Variants in CACNA1A observed in about 807,000 individuals in gnomAD.
CACNA1A encodes the protein voltage-dependent P/Q-type calcium channel subunit alpha-1A.
CACNA1A carries 57 observed loss-of-function variants against 262.4 expected under a neutral mutation model. The observed-to-expected ratio is 0.22, with a 90% CI of 0.18 to 0.27. The LOEUF (loss-of-function observed/expected upper bound fraction) is 0.27, where lower values mean the gene tolerates loss of function less well. Ranked by LOEUF, CACNA1A falls within the 10% of genes least tolerant of loss-of-function variation. The pLI is 1.00. For synonymous variants in CACNA1A, 1,431 were observed against 1,419.3 expected (o/e 1.01, Z -0.18); for missense variants, 2,526 against 3,562.8 (o/e 0.71, Z 7.41).
chr19:13,453,897 G>A (rs1599291549), intron 2 of CACNA1A, among the ~76,000 whole-genome samples: 1 of 152,000 alleles, frequency 6.6e-6, no homozygotes, highest in Non-Finnish European at 1.5e-5. Context: ...TTTATTTTAA[G>A]TGAAAATGCA....
chr19:13,214,128 G>T lies in CACNA1A; in HGVS notation c.5940+105C>A. 1 of 878,772 alleles carries T rather than the reference G, an allele frequency of 1.1e-6. No individual in the cohort carries two copies. The highest frequency in any genetic ancestry group is 2.1e-5 in the Admixed American group (1 of 48,578). 54.4% of individuals were successfully genotyped at this position (878,772 alleles called of 1,614,324 possible). On this transcript the variant is annotated intron_variant, in intron 40 of 46. Coordinates refer to ENST00000360228, the MANE Select transcript of CACNA1A (RefSeq NM_001127222.2). This position sits in a 1 kb window ranked among gnomAD's most constrained non-coding sequence, Gnocchi z 4.1. ...CTGTGCACAGCCCCTACTTTTCAGG[G>T]ACCTGCCCTGGGGCTCAGCCACCCT...
At chr19:13,290,869 A>AAACTCGTG (rs1284684506) in intron 19 of CACNA1A, among the ~76,000 whole-genome samples, 1 of 152,164 alleles carries the variant, frequency 6.6e-6, no homozygotes, top group Non-Finnish European at 1.5e-5. Context: ...AGCCATGGAG[A>AAACTCGTG]AACTCGTGGC....
chr19:13,287,367 AAAAGG>A (rs1327516365), intron 19 of CACNA1A, among the ~76,000 whole-genome samples: 4 of 152,052 alleles, frequency 2.6e-5, no homozygotes, highest in Non-Finnish European at 5.9e-5. Flanking sequence ...AACAAAAAAG[AAAAGG>A]AAAGGGTACA....
intron 19 of CACNA1A, among the ~76,000 whole-genome samples, chr19:13,295,266 A>G (rs958585781): frequency 3.3e-5 from 5 of 152,328 alleles, no homozygotes; most frequent in African/African-American, 1.2e-4. Flanking sequence ...CTGTTGTAGA[A>G]CTACGTGGAA....
intron 37 of CACNA1A, chr19:13,225,521 C>T (rs1168351725): frequency 6.6e-6 from 1 of 152,180 alleles, no homozygotes. Context: ...CCCCATGTCC[C>T]AGGCAGGGGC....
At chr19:13,321,032 T>C in intron 10 of CACNA1A, among the ~76,000 whole-genome samples, 1 of 107,110 alleles carries the variant, frequency 9.3e-6, no homozygotes, top group African/African-American at 4.8e-5. Flanking sequence ...TTCCTTTTTT[T>C]TTTTTTTTCT....
At chr19:13,309,529 C>CA (rs373852970) in intron 12 of CACNA1A, among the ~76,000 whole-genome samples, 15,122 of 119,662 alleles carry the variant, frequency 0.13, 974 homozygotes, top group East Asian at 0.35. Flanking sequence ...CCTGACTTTA[C>CA]AAAAAAAAAA....
rs2056085186 is a variant in CACNA1A at position 13,241,628 on chromosome 19, C to T, written c.4950+3554G>A. ...TTGATTTGTAACCAGTGCCAAAAAA[C>T]CAATGGGTTTCGGTTCCCGGGCGGG... is the stretch of plus-strand genomic sequence containing the variant. On this transcript the variant is annotated intron_variant, in intron 31 of 46. Coordinates refer to ENST00000360228, the MANE Select transcript of CACNA1A (RefSeq NM_001127222.2). The surrounding 1 kb of genome is among the most constrained non-coding windows in gnomAD (Gnocchi z 4.0). 5 of 727,450 alleles carry T rather than the reference C, an allele frequency of 6.9e-6. No homozygotes were observed. The highest frequency in any genetic ancestry group is 4.0e-5 in the Admixed American group (2 of 49,532). 45.1% of individuals were successfully genotyped at this position (727,450 alleles called of 1,614,324 possible). A position where few individuals can be genotyped will look rare whatever the true frequency, so the allele number is the denominator to read the frequency against.
At chr19:13,464,748 C>A (rs529834782) in intron 1 of CACNA1A, among the ~76,000 whole-genome samples, 221 of 151,476 alleles carry the variant, frequency 1.5e-3, no homozygotes, top group Non-Finnish European at 1.6e-3. Context: ...CGGGGTTTCA[C>A]CGTGTTAGCC....
At chr19:13,304,659 C>CAAAAAAA (rs34159456) in intron 15 of CACNA1A, among the ~76,000 whole-genome samples, 3 of 103,444 alleles carry the variant, frequency 2.9e-5, no homozygotes, top group African/African-American at 7.7e-5. Context: ...ATTTTTGTCT[C>CAAAAAAA]AAAAAAAAAA....
At chr19:13,294,751 A>G (rs1321308310) in intron 19 of CACNA1A, among the ~76,000 whole-genome samples, 1 of 151,864 alleles carries the variant, frequency 6.6e-6, no homozygotes, top group East Asian at 1.9e-4. Context: ...TGCCTCCCAA[A>G]GTGCTGGGAT....
At chr19:13,313,519 A>AAG in intron 11 of CACNA1A, among the ~76,000 whole-genome samples, 1 of 151,296 alleles carries the variant, frequency 6.6e-6, no homozygotes, top group East Asian at 1.9e-4. Flanking sequence ...AAAAAAAAAA[A>AAG]AAGCAACAAT....
At chr19:13,469,009 G>T (rs1271885351) in intron 1 of CACNA1A, among the ~76,000 whole-genome samples, 1 of 152,126 alleles carries the variant, frequency 6.6e-6, no homozygotes, top group Non-Finnish European at 1.5e-5. Context: ...CTCAGATAAG[G>T]TGGAAAAGGT....
chr19:13,376,803 A>AAT (rs962665533), intron 3 of CACNA1A, among the ~76,000 whole-genome samples: 12 of 132,854 alleles, frequency 9.0e-5, no homozygotes, highest in Non-Finnish European at 4.8e-5. Context: ...ATATACACAT[A>AAT]ATATATGTTA....
chr19:13,374,317 A>C (rs566045263), intron 3 of CACNA1A, among the ~76,000 whole-genome samples: 5 of 152,306 alleles, frequency 3.3e-5, no homozygotes, highest in African/African-American at 1.2e-4. Context: ...GTGCAACAAC[A>C]GCTCACTGCA....
chr19:13,410,209 T>C (rs1397656007), intron 3 of CACNA1A, among the ~76,000 whole-genome samples: 2 of 151,826 alleles, frequency 1.3e-5, no homozygotes, highest in Admixed American at 6.6e-5. Flanking sequence ...CCTATCAGCA[T>C]AAAATCTGCT....
At chr19:13,245,417 C>T (rs546984049) in intron 30 of CACNA1A, 152 bp from the exon 31 acceptor site, 222 of 656,668 alleles carry the variant, frequency 3.4e-4, no homozygotes, top group Non-Finnish European at 3.6e-4. Context: ...AAAGGCTGTT[C>T]GACATCATCT....
At chr19:13,339,729 AT>A (rs762113849) in intron 6 of CACNA1A, among the ~76,000 whole-genome samples, 34 of 152,092 alleles carry the variant, frequency 2.2e-4, no homozygotes, top group Non-Finnish European at 2.4e-4. Flanking sequence ...GTTAAAAAAA[AT>A]ATTAGGATGG....
chr19:13,286,195 C>T (rs1442281563), intron 20 of CACNA1A, among the ~76,000 whole-genome samples: 1 of 152,128 alleles, frequency 6.6e-6, no homozygotes, highest in African/African-American at 2.4e-5. Flanking sequence ...ATCTGACCCC[C>T]TCAAGCTTCC....
Sources: allele counts gnomAD v4.1 joint callset (sites outside exome capture counted in the v4.1 genomes callset), GRCh38; gene constraint gnomAD v4.1.1; non-coding constraint Gnocchi (gnomAD v3.1); transcripts MANE v1.5; gene names NCBI Gene and HGNC (gene_info 2026-07-23, HGNC 2026-07-21).